The following HEPACAM2 variants were observed in gnomAD, a reference collection of about 807,000 sequenced individuals.
The protein encoded by HEPACAM2 is mitotic kinetics regulator.
Under a neutral mutation model 49.6 loss-of-function variants are expected in HEPACAM2, and 49 were observed. The ratio of observed to expected loss-of-function variants is 0.99; its 90% CI spans 0.78 to 1.25. The LOEUF is 1.25. Among genes scored for constraint, HEPACAM2 ranks in the 50% most tolerant of loss-of-function variants. HEPACAM2 has a pLI of 0.00. For synonymous variants in HEPACAM2, 197 were observed against 202.9 expected (o/e 0.97, Z 0.25); for missense variants, 525 against 557.2 (o/e 0.94, Z 0.58).
chr7:93,216,528 C>A (rs913876744), intron 2 of HEPACAM2, among the ~76,000 whole-genome samples: 2 of 152,166 alleles, frequency 1.3e-5, no homozygotes, highest in African/African-American at 4.8e-5. Flanking sequence ...TGAATTTTAA[C>A]TGTAAAGTTG....
At chr7:93,204,372 ATCATCTC>A in intron 4 of HEPACAM2, among the ~76,000 whole-genome samples, 1 of 142,664 alleles carries the variant, frequency 7.0e-6, no homozygotes, top group African/African-American at 2.6e-5. Flanking sequence ...CTATCTATCT[ATCATCTC>A]TCTGTCTGTC....
chr7:93,192,328 T>TA lies in HEPACAM2; in HGVS notation c.1310dup (p.Ser438IlefsTer11). ...CTGTACTGTGCAAATCTTGCCCCGATACACAATCAGAGGCTGGAACAGACC... is the reference window on the plus strand; with the variant it reads ...CTGTACTGTGCAAATCTTGCCCCGATAACACAATCAGAGGCTGGAACAGACC... On this transcript the variant is annotated frameshift_variant, in exon 9 of 10. Transcript: ENST00000394468. LOFTEE classifies it high-confidence loss of function. 1 of 1,612,746 alleles carries TA rather than the reference T, an allele frequency of 6.2e-7. No individual in the cohort carries two copies. Among genetic ancestry groups the TA allele is most frequent in the East Asian group, 2.2e-5 (1 of 44,848 alleles).
upstream of HEPACAM2, among the ~76,000 whole-genome samples, chr7:93,228,403 T>A: frequency 6.6e-6 from 1 of 152,170 alleles, no homozygotes; most frequent in East Asian, 1.9e-4. Context: ...AAAGGGCTAC[T>A]GGGATAATCA....
At chr7:93,193,854 A>C (rs182304331) in intron 8 of HEPACAM2, among the ~76,000 whole-genome samples, 33 of 152,230 alleles carry the variant, frequency 2.2e-4, no homozygotes, top group Admixed American at 1.8e-3. Context: ...AGGCCATTGC[A>C]TTTGGCTGCT....
upstream of HEPACAM2, among the ~76,000 whole-genome samples, chr7:93,229,034 T>G (rs7783452): frequency 0.15 from 22,377 of 152,224 alleles, 2,927 homozygotes; most frequent in East Asian, 0.31. Context: ...CATCCACATT[T>G]TTAATCACAA....
At chr7:93,221,010 A>G (rs142634358) in intron 1 of HEPACAM2, among the ~76,000 whole-genome samples, 11 of 152,322 alleles carry the variant, frequency 7.2e-5, no homozygotes, top group African/African-American at 2.6e-4. Flanking sequence ...GAAAAAATAG[A>G]CAATGAAAAG....
chr7:93,210,364 CCATGGT>C (rs2116689200), intron 3 of HEPACAM2, among the ~76,000 whole-genome samples: 1 of 151,748 alleles, frequency 6.6e-6, no homozygotes, highest in South Asian at 2.1e-4. Flanking sequence ...ATTTATTTGC[CCATGGT>C]CATATAGCTA....
intron 3 of HEPACAM2, among the ~76,000 whole-genome samples, chr7:93,211,781 C>A (rs955266298): frequency 6.6e-6 from 1 of 151,904 alleles, no homozygotes; most frequent in African/African-American, 2.4e-5. Context: ...AGCAAGAGAC[C>A]TGAGTCTATG....
In HEPACAM2 at chr7:93,197,510, T is replaced by C. The variant is rs769534119; in HGVS notation, c.1113A>G (p.Leu371=). The change falls in exon 5 of 10, where the codon CTA becomes CTG. Residue 371 remains leucine, a synonymous_variant. Transcript: ENST00000394468. ...CTTTGTAGGGTTGATATTTTTTCCA[T>C]AGGAAGAGAAGACACATGGATATAA... ...FLIISMCLLF[L]WKKYQPYKVI... The C allele has an allele frequency of 7.5e-6, 12 of 1,594,552 alleles. No individual in the cohort carries two copies. The highest frequency in any genetic ancestry group is 3.4e-4 in the Middle Eastern group (2 of 5,960).
intron 1 of HEPACAM2, among the ~76,000 whole-genome samples, chr7:93,224,463 A>T (rs1245264868): frequency 6.6e-6 from 1 of 152,158 alleles, no homozygotes. Flanking sequence ...GACTTTTTGC[A>T]TATAAGGCAT....
At chr7:93,207,313 T>G (rs974505356) in intron 4 of HEPACAM2, among the ~76,000 whole-genome samples, 10 of 152,098 alleles carry the variant, frequency 6.6e-5, no homozygotes, top group African/African-American at 2.4e-4. Flanking sequence ...ATAGGTACCT[T>G]AACCACCATG....
intron 2 of HEPACAM2, among the ~76,000 whole-genome samples, chr7:93,217,674 G>A (rs909995497): frequency 1.3e-5 from 2 of 152,100 alleles, no homozygotes; most frequent in African/African-American, 4.8e-5. Context: ...AAGGTTTTAA[G>A]CACTGAGGAC....
rs1256914127 is a variant in HEPACAM2, at chr7:93,197,161, TTAA to T, written c.1201+77_1201+79del. On this transcript the variant is annotated intron_variant, in intron 7 of 9. Coordinates refer to ENST00000394468, the MANE Select transcript of HEPACAM2 (RefSeq NM_001039372.4). The stretch of plus-strand genomic sequence containing the variant: ...TTTAGCTCATATTAATTATATTACA[TTAA>T]TAATATATAATAATATTAACACAAC... 6 of 924,102 alleles carry T rather than the reference TTAA, an allele frequency of 6.5e-6. No individual in the cohort carries two copies. In the East Asian group the frequency reaches 1.7e-4, roughly 26 times the overall value. The allele number at this position is 924,102 out of a possible 1,614,324, so 57.2% of individuals were successfully genotyped here.
chr7:93,222,073 G>A (rs2116725049), intron 1 of HEPACAM2, among the ~76,000 whole-genome samples: 1 of 152,232 alleles, frequency 6.6e-6, no homozygotes, highest in South Asian at 2.1e-4. Flanking sequence ...AGATGGGAGA[G>A]AGAAATCTAT....
chr7:93,210,297 A>G (rs1046792010), intron 3 of HEPACAM2, among the ~76,000 whole-genome samples: 1 of 151,990 alleles, frequency 6.6e-6, no homozygotes, highest in Non-Finnish European at 1.5e-5. Flanking sequence ...TAGAGCAACC[A>G]CCATGAGGTA....
In HEPACAM2 at chr7:93,215,589, G is replaced by A; in HGVS notation, c.527C>T (p.Thr176Ile). 1 of 1,613,752 alleles carries A rather than the reference G, an allele frequency of 6.2e-7. No homozygotes were observed. Among genetic ancestry groups the A allele is most frequent in the Non-Finnish European group, 8.5e-7 (1 of 1,179,838 alleles). ...MTLTCHVEGG[T>I]RLAYQWLKNG... is the part of the protein sequence containing the mutation. ...TTTTAGCCATTGGTAAGCTAGCCGAGTGCCCCCTTCCACATGGCATGTCAG... is the reference window on the plus strand; with the variant it reads ...TTTTAGCCATTGGTAAGCTAGCCGAATGCCCCCTTCCACATGGCATGTCAG... The change falls in exon 3 of 10, where the codon ACT becomes ATT. Residue 176 changes from threonine to isoleucine, a missense_variant. Transcript: ENST00000394468.
At chr7:93,229,989 ATTATAG>A (rs939867090), upstream of HEPACAM2, among the ~76,000 whole-genome samples, 7 of 152,214 alleles carry the variant, frequency 4.6e-5, no homozygotes, top group Non-Finnish European at 1.0e-4. Flanking sequence ...AGCTTTCAAT[ATTATAG>A]TTATAGCCTT....
intron 4 of HEPACAM2, among the ~76,000 whole-genome samples, chr7:93,199,651 T>G (rs1447589429): frequency 6.6e-6 from 1 of 152,058 alleles, no homozygotes; most frequent in Non-Finnish European, 1.5e-5. Context: ...CCAGAGAAGT[T>G]TACATGAAGT....
intron 4 of HEPACAM2, among the ~76,000 whole-genome samples, chr7:93,198,074 A>G (rs1793782423): frequency 6.6e-6 from 1 of 152,086 alleles, no homozygotes; most frequent in Non-Finnish European, 1.5e-5. Context: ...AACACACTTT[A>G]GTAATTTTTG....
Sources: gnomAD v4.1 joint callset for allele counts (sites outside exome capture counted in the v4.1 genomes callset) on GRCh38, gnomAD v4.1.1 for gene constraint, MANE v1.5 for transcripts, NCBI Gene and HGNC (gene_info 2026-07-23, HGNC 2026-07-21) for gene names.